HBA2: variants seen among roughly 807,000 people sequenced by gnomAD.
HBA2 encodes hemoglobin subunit alpha.
HBA2 carries 9 observed loss-of-function variants against 5.6 expected under a neutral mutation model. The observed-to-expected ratio is 1.60, with a 90% CI of 0.97 to 2.80. The LOEUF (loss-of-function observed/expected upper bound fraction) is 2.80. Ranked by LOEUF, HBA2 falls within the 30% of genes most tolerant of loss-of-function variation. The pLI is 0.00. For missense variants in HBA2, 86 were observed against 152.1 expected (o/e 0.57, Z 2.29); for synonymous variants, 38 against 73.4 (o/e 0.52, Z 2.47).
Position 173,638 on chromosome 16 carries a change from C to A in HBA2, c.*38C>A, listed in dbSNP as rs772995675. Reference sequence around the variant, plus strand: ...GTAGCCGTTCCTCCTGCCCGCTGGGCCTCCCAACGGGCCCTCCTCCCCTCC... The same window carrying A: ...GTAGCCGTTCCTCCTGCCCGCTGGGACTCCCAACGGGCCCTCCTCCCCTCC... On this transcript the variant is annotated 3_prime_UTR_variant, in exon 3 of 3. Coordinates refer to ENST00000251595, the MANE Select transcript of HBA2 (RefSeq NM_000517.6). 7 of 1,607,010 alleles carry A rather than the reference C, an allele frequency of 4.4e-6. No individual in the cohort carries two copies. The Admixed American group carries it at 5.0e-5, about 12-fold the overall frequency.
Position 173,320 on chromosome 16 carries a change from C to G in HBA2, c.291C>G (p.Val97=), listed in dbSNP as rs1327566421. The change falls in exon 2 of 3, where the codon GTC becomes GTG. Residue 97 remains valine, a synonymous_variant. Coordinates refer to ENST00000251595, the MANE Select transcript of HBA2 (RefSeq NM_000517.6). ...LHAHKLRVDP[V]NFKLLSHCLL... is the part of the protein sequence containing the mutation. ...CGCACAAGCTTCGGGTGGACCCGGT[C>G]AACTTCAAGGTGAGCGGCGGGCCGG... is the stretch of plus-strand genomic sequence containing the variant. 1 of 1,566,298 alleles carries G rather than the reference C, an allele frequency of 6.4e-7. No individual in the cohort carries two copies.
intron 2 of HBA2, 57 bp from the exon 3 acceptor site, chr16:173,415 G>A: frequency 6.2e-7 from 1 of 1,604,826 alleles, no homozygotes; most frequent in Non-Finnish European, 8.5e-7. Context: ...GTTGCGGGAG[G>A]TGTAGCGCAG....
chr16:173,175 T>G lies in HBA2; in HGVS notation c.146T>G (p.Leu49Arg), dbSNP rs41392146. ...AAGACCTACTTCCCGCACTTCGACC[T>G]GAGCCACGGCTCTGCCCAGGTTAAG... Reference protein sequence around the residue: ...TTKTYFPHFDLSHGSAQVKGH... With the variant: ...TTKTYFPHFDRSHGSAQVKGH... The change falls in exon 2 of 3, where the codon CTG becomes CGG. Residue 49 changes from leucine (L) to arginine (R), a missense_variant. Coordinates refer to ENST00000251595, the MANE Select transcript of HBA2 (RefSeq NM_000517.6). The G allele has an allele frequency of 1.1e-6, 1 of 917,468 alleles. No homozygotes were observed. The highest frequency in any genetic ancestry group is 2.8e-5 in the African/African-American group (1 of 35,380). 56.8% of individuals were successfully genotyped at this position (917,468 alleles called of 1,614,324 possible).
rs568095645 is a variant in HBA2 at position 173,448 on chromosome 16, G to C, written c.301-24G>C. The C allele has an allele frequency of 8.5e-5, 136 of 1,599,724 alleles. 15 individuals are homozygous for C. The highest frequency in any genetic ancestry group is 5.4e-4 in the African/African-American group (35 of 64,850). On this transcript the variant is annotated intron_variant, in intron 2 of 2. Coordinates refer to ENST00000251595, the MANE Select transcript of HBA2 (RefSeq NM_000517.6). ...CAGGCGGCGGCTGCGGGCCTGGGCCGCACTGACCCTCTTCTCTGCACAGCT... is the reference window on the plus strand; with the variant it reads ...CAGGCGGCGGCTGCGGGCCTGGGCCCCACTGACCCTCTTCTCTGCACAGCT...
chr16:173,529 C>T lies in HBA2; in HGVS notation c.358C>T (p.Pro120Ser), dbSNP rs1262943621. 3 of 1,607,086 alleles carry T rather than the reference C, an allele frequency of 1.9e-6. No homozygotes were observed. Among genetic ancestry groups the T allele is most frequent in the Admixed American group, 1.7e-5 (1 of 59,840 alleles). The change falls in exon 3 of 3, where the codon CCT (proline) becomes TCT (serine). Residue 120 changes from proline (P) to serine (S), a missense_variant. Transcript: ENST00000251595. ...LAAHLPAEFT[P>S]AVHASLDKFL... ...CGCCCACCTCCCCGCCGAGTTCACC[C>T]CTGCGGTGCACGCCTCCCTGGACAA...
intron 2 of HBA2, 51 bp from the exon 3 acceptor site, chr16:173,421 C>G (rs763924493): frequency 6.2e-7 from 1 of 1,604,636 alleles, no homozygotes; most frequent in Non-Finnish European, 8.5e-7. Flanking sequence ...GGAGGTGTAG[C>G]GCAGGCGGCG....
At chr16:173,367 G>A (rs1567163558) in intron 2 of HBA2, 38 bp downstream of exon 2, 3 of 1,602,006 alleles carry the variant, frequency 1.9e-6, no homozygotes, top group Non-Finnish European at 2.5e-6. Flanking sequence ...GTCGAGGGGC[G>A]AGATGGCGCC....
Position 173,527 on chromosome 16 carries a change from C to A in HBA2, c.356C>A (p.Thr119Asn). The change falls in exon 3 of 3, where the codon ACC (threonine) becomes AAC (asparagine). Residue 119 changes from threonine (T) to asparagine (N), a missense_variant. By Grantham distance (65) the Thr-to-Asn change is moderately conservative. Transcript: ENST00000251595. ...GCCGCCCACCTCCCCGCCGAGTTCA[C>A]CCCTGCGGTGCACGCCTCCCTGGAC... ...TLAAHLPAEFTPAVHASLDKF... is the reference protein window; with the variant it reads ...TLAAHLPAEFNPAVHASLDKF... The A allele has an allele frequency of 1.2e-6, 2 of 1,607,074 alleles. No individual in the cohort carries two copies. The highest frequency in any genetic ancestry group is 1.1e-5 in the South Asian group (1 of 89,772).
intron 1 of HBA2, 42 bp downstream of exon 1, chr16:173,049 C>A (rs1406471834): frequency 4.1e-6 from 2 of 492,448 alleles, no homozygotes; most frequent in Non-Finnish European, 6.9e-6. Flanking sequence ...TCCTCGCCCG[C>A]CCGGACCCAC....
At position 173,367 on chromosome 16, in the gene HBA2, G is replaced by GA. The variant is rs759909775; in HGVS notation, c.300+39dup. 2.5e-6 allele frequency: 4 copies of GA among 1,602,006 alleles called. No individual in the cohort carries two copies. In the Admixed American group the frequency reaches 5.0e-5, roughly 20 times the overall value. ...CCGGGAGCGATCTGGGTCGAGGGGC[G>GA]AGATGGCGCCTTCCTCTCAGGGCAG... On this transcript the variant is annotated intron_variant, in intron 2 of 2. Transcript: ENST00000251595.
chr16:173,430 C>T (rs1567163587), intron 2 of HBA2, 42 bp from the exon 3 acceptor site: 2 of 1,604,442 alleles, frequency 1.2e-6, no homozygotes, highest in Non-Finnish European at 1.7e-6. Flanking sequence ...GCGCAGGCGG[C>T]GGCTGCGGGC....
chr16:173,395 G>T lies in HBA2; in HGVS notation c.300+66G>T, dbSNP rs1902055221. On this transcript the variant is annotated intron_variant, in intron 2 of 2. Transcript: ENST00000251595. ...ATGGCGCCTTCCTCTCAGGGCAGAG[G>T]ATCACGCGGGTTGCGGGAGGTGTAG... 5.6e-6 allele frequency: 9 copies of T among 1,604,718 alleles called. 3 individuals carry two copies. The African/African-American group carries it at 1.3e-4, about 23-fold the overall frequency.
In HBA2 at chr16:173,685, T is replaced by G; in HGVS notation, c.*85T>G. The G allele has an allele frequency of 1.3e-6, 2 of 1,566,804 alleles. No homozygotes were observed. The highest frequency in any genetic ancestry group is 4.5e-5 in the East Asian group (2 of 44,054). ...CTCCTTGCACCGGCCCTTCCTGGTC[T>G]TTGAATAAAGTCTGAGTGGGCAGCA... On this transcript the variant is annotated 3_prime_UTR_variant, in exon 3 of 3. Transcript: ENST00000251595.
chr16:173,391 A>G, intron 2 of HBA2, 62 bp downstream of exon 2: 1 of 1,604,724 alleles, frequency 6.2e-7, no homozygotes, highest in Non-Finnish European at 8.5e-7. Flanking sequence ...CTCTCAGGGC[A>G]GAGGATCACG....
rs559330834 is a variant in HBA2, at chr16:173,681, G to A, written c.*81G>A. ...TCCCCTCCTTGCACCGGCCCTTCCT[G>A]GTCTTTGAATAAAGTCTGAGTGGGC... is the stretch of plus-strand genomic sequence containing the variant. On this transcript the variant is annotated 3_prime_UTR_variant, in exon 3 of 3. Coordinates refer to ENST00000251595, the MANE Select transcript of HBA2 (RefSeq NM_000517.6). 4 of 1,572,358 alleles carry A rather than the reference G, an allele frequency of 2.5e-6. No homozygotes were observed. The highest frequency in any genetic ancestry group is 3.4e-5 in the Admixed American group (2 of 58,068).
intron 1 of HBA2, 53 bp downstream of exon 1, chr16:173,060 A>G: frequency 4.0e-6 from 2 of 498,070 alleles, no homozygotes; most frequent in East Asian, 3.1e-5. Context: ...CCGGACCCAC[A>G]GGCCACCCTC....
rs1265102439 is a variant in HBA2 at position 173,677 on chromosome 16, TC to T, written c.*79del. 31 of 1,576,838 alleles carry T rather than the reference TC, an allele frequency of 2.0e-5. No homozygotes were observed. In the Admixed American group the frequency reaches 2.6e-4, roughly 13 times the overall value. The stretch of plus-strand genomic sequence containing the variant: ...CTCCTCCCCTCCTTGCACCGGCCCT[TC>T]CTGGTCTTTGAATAAAGTCTGAGTG... On this transcript the variant is annotated 3_prime_UTR_variant, in exon 3 of 3. Coordinates refer to ENST00000251595, the MANE Select transcript of HBA2 (RefSeq NM_000517.6).
Position 173,651 on chromosome 16 carries a change from C to A in HBA2, c.*51C>A, listed in dbSNP as rs1483225418. 6.2e-7 allele frequency: 1 copy of A among 1,601,672 alleles called. No individual in the cohort carries two copies. Among genetic ancestry groups the A allele is most frequent in the Admixed American group, 1.7e-5 (1 of 59,630 alleles). ...CTGCCCGCTGGGCCTCCCAACGGGC[C>A]CTCCTCCCCTCCTTGCACCGGCCCT... On this transcript the variant is annotated 3_prime_UTR_variant, in exon 3 of 3. Transcript: ENST00000251595.
chr16:173,374 C>A, intron 2 of HBA2, 45 bp downstream of exon 2: 8 of 1,602,762 alleles, frequency 5.0e-6, no homozygotes, highest in Non-Finnish European at 5.9e-6. Flanking sequence ...GGCGAGATGG[C>A]GCCTTCCTCT....
Sources: allele counts gnomAD v4.1 joint callset, GRCh38; gene constraint gnomAD v4.1.1; transcripts MANE v1.5; gene names NCBI Gene and HGNC (gene_info 2026-07-23, HGNC 2026-07-21).